Variants in HYCC1 observed in about 807,000 individuals in gnomAD.
HYCC1 encodes hyccin.
chr7:22,945,861 G>A, the HYCC1 span: 2 of 1,613,794 alleles, frequency 1.2e-6, no homozygotes, highest in Non-Finnish European at 8.5e-7. Flanking sequence ...GGTAGGGATT[G>A]GCTGGTTGTT....
chr7:22,953,602 C>T, the HYCC1 span, among the ~76,000 whole-genome samples: 1 of 151,754 alleles, frequency 6.6e-6, no homozygotes, highest in Non-Finnish European at 1.5e-5. Flanking sequence ...ACTTAATATC[C>T]ACATGTGTCA....
chr7:22,898,785 T>C, the HYCC1 span, among the ~76,000 whole-genome samples: 1 of 151,742 alleles, frequency 6.6e-6, no homozygotes, highest in Middle Eastern at 3.2e-3. Flanking sequence ...GTATTTTTAG[T>C]AGAGATGAGG....
the HYCC1 span, among the ~76,000 whole-genome samples, chr7:22,901,995 G>T: frequency 6.6e-6 from 1 of 151,896 alleles, no homozygotes; most frequent in African/African-American, 2.4e-5. Flanking sequence ...AGTACACATG[G>T]TACATTCACC....
chr7:22,992,669 T>A, the HYCC1 span, among the ~76,000 whole-genome samples: 2 of 152,142 alleles, frequency 1.3e-5, no homozygotes, highest in Non-Finnish European at 2.9e-5. Flanking sequence ...CTACTTTTTT[T>A]ATGTTGTTAT....
chr7:22,955,272 A>G, the HYCC1 span, among the ~76,000 whole-genome samples: 10 of 151,646 alleles, frequency 6.6e-5, no homozygotes, highest in Non-Finnish European at 1.5e-4. Context: ...TGAATAGCAA[A>G]CTAGCTAATA....
At chr7:22,990,561 G>C in the HYCC1 span, among the ~76,000 whole-genome samples, 2 of 152,158 alleles carry the variant, frequency 1.3e-5, no homozygotes, top group African/African-American at 4.8e-5. Flanking sequence ...CTAGAGAAAA[G>C]CTCATGAGAC....
chr7:22,962,543 C>A, the HYCC1 span, among the ~76,000 whole-genome samples: 1 of 149,580 alleles, frequency 6.7e-6, no homozygotes, highest in African/African-American at 2.5e-5. Context: ...CACCCCCCAG[C>A]GAACAAGTGA....
the HYCC1 span, chr7:22,940,577 C>T: frequency 1.3e-5 from 2 of 151,946 alleles, no homozygotes; most frequent in African/African-American, 4.8e-5. Flanking sequence ...TAAGTACATG[C>T]TATAATGCAA....
the HYCC1 span, among the ~76,000 whole-genome samples, chr7:22,958,402 C>G: frequency 3.3e-5 from 5 of 152,056 alleles, no homozygotes; most frequent in Non-Finnish European, 5.9e-5. Flanking sequence ...ATGTGACTTA[C>G]TTTTTATAGT....
chr7:22,924,554 G>T, the HYCC1 span, among the ~76,000 whole-genome samples: 1 of 152,356 alleles, frequency 6.6e-6, no homozygotes, highest in East Asian at 1.9e-4. Context: ...ATGGCTCCGA[G>T]GGTCCTACAC....
chr7:22,959,868 G>A, the HYCC1 span, among the ~76,000 whole-genome samples: 3 of 152,206 alleles, frequency 2.0e-5, no homozygotes, highest in African/African-American at 7.2e-5. Flanking sequence ...CCTATTAGTT[G>A]TTCTACTTCA....
At chr7:22,895,900 T>C in the HYCC1 span, among the ~76,000 whole-genome samples, 15 of 152,356 alleles carry the variant, frequency 9.8e-5, no homozygotes, top group Admixed American at 5.9e-4. Flanking sequence ...GACTGTGGCA[T>C]CCAGCTAGAC....
At chr7:22,919,358 A>G in the HYCC1 span, among the ~76,000 whole-genome samples, 4 of 152,116 alleles carry the variant, frequency 2.6e-5, no homozygotes, top group Admixed American at 2.6e-4. Context: ...GCGAAACCCC[A>G]TCTCTACTAA....
the HYCC1 span, among the ~76,000 whole-genome samples, chr7:22,914,018 T>C: frequency 6.6e-6 from 1 of 152,202 alleles, no homozygotes; most frequent in Admixed American, 6.5e-5. Context: ...TCACTACCCT[T>C]CAATCTCCCT....
chr7:22,968,162 C>A, the HYCC1 span, among the ~76,000 whole-genome samples: 2 of 152,206 alleles, frequency 1.3e-5, no homozygotes, highest in African/African-American at 2.4e-5. Flanking sequence ...CTACAGACTA[C>A]ATTTTCTAGC....
chr7:23,011,417 T>C, the HYCC1 span, among the ~76,000 whole-genome samples: 1 of 152,210 alleles, frequency 6.6e-6, no homozygotes, highest in Non-Finnish European at 1.5e-5. Flanking sequence ...TTCCTTCCAT[T>C]TTTGTGTTCC....
At chr7:22,977,137 G>A in the HYCC1 span, among the ~76,000 whole-genome samples, 1 of 132,438 alleles carries the variant, frequency 7.6e-6, no homozygotes, top group Admixed American at 9.4e-5. Context: ...ACTTTCAATA[G>A]ATCTCTTATT....
the HYCC1 span, among the ~76,000 whole-genome samples, chr7:22,951,525 T>C: frequency 6.6e-6 from 1 of 151,916 alleles, no homozygotes; most frequent in African/African-American, 2.4e-5. Context: ...AACAAAGTCA[T>C]ACACATTCTT....
At chr7:22,950,459 T>C in the HYCC1 span, among the ~76,000 whole-genome samples, 1 of 151,984 alleles carries the variant, frequency 6.6e-6, no homozygotes, top group African/African-American at 2.4e-5. Flanking sequence ...TTTTGATGAA[T>C]TGAGTGAATA....
Sources: allele counts gnomAD v4.1 joint callset (sites outside exome capture counted in the v4.1 genomes callset), GRCh38; gene constraint gnomAD v4.1.1; transcripts MANE v1.5; gene names NCBI Gene and HGNC (gene_info 2026-07-23, HGNC 2026-07-21).